Variants in SPINK9 observed in about 807,000 individuals in gnomAD.
SPINK9 encodes serine protease inhibitor Kazal-type 9.
A neutral mutation model predicts 10.8 loss-of-function variants in SPINK9; 3 were observed. The observed-to-expected ratio is 0.28, with a 90% confidence interval of 0.13 to 0.72. SPINK9 has a LOEUF of 0.72. Among genes scored for constraint, SPINK9 ranks in the 30% least tolerant of loss-of-function variants. SPINK9 has a pLI of 0.74. For synonymous variants in SPINK9, 30 were observed against 31.2 expected, an observed-to-expected ratio of 0.96 and a Z score of 0.12; for missense variants, 101 against 103.2, an observed-to-expected ratio of 0.98 and a Z score of 0.09.
chr5:148,335,480 T>C (rs1211303899), upstream of SPINK9: 4 of 709,300 alleles, frequency 5.6e-6, no homozygotes, highest in Non-Finnish European at 9.6e-6. Flanking sequence ...TCTGGAGTTG[T>C]ACTACTTAGA....
chr5:148,323,947 C>T lies in SPINK9; in HGVS notation c.118+79C>T. 8.0e-6 allele frequency: 5 copies of T among 621,844 alleles called. No homozygotes were observed. In the South Asian group the frequency reaches 9.5e-5, roughly 12 times the overall value. 38.5% of individuals were successfully genotyped at this position (621,844 alleles called of 1,614,324 possible). A position where few individuals can be genotyped will look rare whatever the true frequency, so the allele number is the denominator to read the frequency against. ...CTTATAAAATAAAGAGAATAATCACCCCTAATTAGACATGTATATTGTGGG... is the reference window on the plus strand; with the variant it reads ...CTTATAAAATAAAGAGAATAATCACTCCTAATTAGACATGTATATTGTGGG... On this transcript the variant is annotated intron_variant, in intron 2 of 4. Coordinates refer to the SPINK9 transcript ENST00000511717.
intron 2 of SPINK9, among the ~76,000 whole-genome samples, chr5:148,324,766 C>T (rs900968619): frequency 1.3e-5 from 2 of 151,626 alleles, no homozygotes; most frequent in African/African-American, 4.9e-5. Flanking sequence ...AAATTCATGG[C>T]TTTTTGTACC....
upstream of SPINK9, among the ~76,000 whole-genome samples, chr5:148,334,873 G>A (rs751288602): frequency 1.3e-5 from 2 of 152,146 alleles, no homozygotes; most frequent in Non-Finnish European, 2.9e-5. Flanking sequence ...AAGGCTTATA[G>A]CGGATAAATA....
At chr5:148,338,755 T>C in intron 3 of SPINK9, 150 bp downstream of exon 3, 1 of 519,964 alleles carries the variant, frequency 1.9e-6, no homozygotes, top group Non-Finnish European at 3.3e-6. Context: ...AATTTGGGAG[T>C]CCCTGATATC....
intron 2 of SPINK9, among the ~76,000 whole-genome samples, chr5:148,324,953 C>T (rs1378857693): frequency 6.6e-6 from 1 of 151,996 alleles, no homozygotes; most frequent in African/African-American, 2.4e-5. Context: ...ACTATCCTCC[C>T]AACCCCTGGG....
At chr5:148,323,287 G>C (rs77625197) in intron 1 of SPINK9, among the ~76,000 whole-genome samples, 2,556 of 152,140 alleles carry the variant, frequency 0.017, 70 homozygotes, top group East Asian at 0.068. Context: ...AAAAAGTCAT[G>C]ATATGCCTAT....
chr5:148,328,609 T>C (rs866818656), intron 2 of SPINK9, among the ~76,000 whole-genome samples: 19 of 152,348 alleles, frequency 1.2e-4, no homozygotes, highest in Middle Eastern at 3.4e-3. Flanking sequence ...TTCCAGTTTT[T>C]GCCCATTCAG....
intron 2 of SPINK9, among the ~76,000 whole-genome samples, chr5:148,328,598 C>T (rs570212218): frequency 5.3e-5 from 8 of 152,284 alleles, no homozygotes; most frequent in African/African-American, 1.7e-4. Flanking sequence ...AAAGGGAATG[C>T]TTCCAGTTTT....
upstream of SPINK9, among the ~76,000 whole-genome samples, chr5:148,332,889 G>C (rs1757168630): frequency 6.6e-6 from 1 of 152,172 alleles, no homozygotes; most frequent in Admixed American, 6.5e-5. Context: ...CTTCAAGTCA[G>C]AAATGGGACT....
chr5:148,326,081 C>T (rs530046648), intron 2 of SPINK9, among the ~76,000 whole-genome samples: 167 of 152,146 alleles, frequency 1.1e-3, no homozygotes, highest in African/African-American at 3.9e-3. Context: ...AAAATTGGGA[C>T]AAGGACCTGA....
At chr5:148,329,854 A>G (rs1411249991) in intron 2 of SPINK9, among the ~76,000 whole-genome samples, 1 of 152,140 alleles carries the variant, frequency 6.6e-6, no homozygotes, top group Non-Finnish European at 1.5e-5. Flanking sequence ...GTTTGATTGC[A>G]CTGTGGTCTG....
intron 1 of SPINK9, among the ~76,000 whole-genome samples, chr5:148,323,123 GT>G (rs1253077685): frequency 6.6e-6 from 1 of 152,092 alleles, no homozygotes; most frequent in African/African-American, 2.4e-5. Context: ...AAAAATAGAG[GT>G]GAAAAATCGC....
intron 2 of SPINK9, among the ~76,000 whole-genome samples, chr5:148,324,600 A>T (rs183656323): frequency 1.3e-5 from 2 of 152,206 alleles, no homozygotes; most frequent in East Asian, 1.9e-4. Context: ...AAATTCAGAA[A>T]CATTCTACAA....
chr5:148,329,441 C>T (rs1757117298), intron 2 of SPINK9, among the ~76,000 whole-genome samples: 1 of 152,066 alleles, frequency 6.6e-6, no homozygotes, highest in Non-Finnish European at 1.5e-5. Flanking sequence ...TTTTGTTGAT[C>T]TTTTCAAAAA....
chr5:148,336,937 G>T (rs920930262), intron 2 of SPINK9, among the ~76,000 whole-genome samples: 1 of 152,148 alleles, frequency 6.6e-6, no homozygotes, highest in African/African-American at 2.4e-5. Context: ...AGGTGTGGTA[G>T]CAAAAATCTT....
At chr5:148,327,889 T>C (rs1434775731) in intron 2 of SPINK9, among the ~76,000 whole-genome samples, 4 of 152,232 alleles carry the variant, frequency 2.6e-5, no homozygotes, top group Non-Finnish European at 4.4e-5. Context: ...ACCAGTACCA[T>C]GCTGTTTTGG....
At chr5:148,328,320 T>C (rs1390574419) in intron 2 of SPINK9, among the ~76,000 whole-genome samples, 1 of 152,168 alleles carries the variant, frequency 6.6e-6, no homozygotes, top group Non-Finnish European at 1.5e-5. Context: ...TACTGGTGTA[T>C]AAGAATGCTT....
upstream of SPINK9, among the ~76,000 whole-genome samples, chr5:148,332,031 A>T (rs1757158063): frequency 6.6e-6 from 1 of 152,246 alleles, no homozygotes; most frequent in Admixed American, 6.5e-5. Flanking sequence ...ATTGATGGCA[A>T]ATGGCACAGA....
Position 148,335,814 on chromosome 5 carries a change from T to C in SPINK9, c.55+146T>C, listed in dbSNP as rs1164151211. 5.8e-6 allele frequency: 5 copies of C among 868,434 alleles called. No individual in the cohort carries two copies. The Admixed American group carries it at 1.1e-4, about 19-fold the overall frequency. 53.8% of individuals were successfully genotyped at this position (868,434 alleles called of 1,614,324 possible). ...TGAATCTTTTGCCTCAACCAACGAATTGCTAAATCACATCACCTCAGGGGT... is the reference window on the plus strand; with the variant it reads ...TGAATCTTTTGCCTCAACCAACGAACTGCTAAATCACATCACCTCAGGGGT... On this transcript the variant is annotated intron_variant, in intron 1 of 3. Coordinates refer to ENST00000377906, the MANE Select transcript of SPINK9 (RefSeq NM_001040433.2).
Sources: allele counts gnomAD v4.1 joint callset (sites outside exome capture counted in the v4.1 genomes callset), GRCh38; gene constraint gnomAD v4.1.1; transcripts MANE v1.5; gene names NCBI Gene and HGNC (gene_info 2026-07-23, HGNC 2026-07-21).